DNMT1: variants seen among roughly 807,000 people sequenced by gnomAD.
The protein encoded by DNMT1 is DNA methyltransferase 1.
Under a neutral mutation model 205.3 loss-of-function variants are expected in DNMT1, and 24 were observed. That is an observed-to-expected ratio of 0.12 (90% CI 0.08 to 0.16). The LOEUF is 0.16. DNMT1 is among the 10% of genes least tolerant of loss of function. The pLI is 1.00. For missense variants in DNMT1, 1,293 were observed against 2,177.7 expected (o/e 0.59, Z 8.09); for synonymous variants, 817 against 839.8 (o/e 0.97, Z 0.47).
Position 10,194,853 on chromosome 19 carries a change from G to A in DNMT1, c.47C>T (p.Pro16Leu), listed in dbSNP as rs1476955893. ...GACATCGTCGGGCAGCGAGATGGCC[G>A]GGACGGCCAGTGTGGGCACCCGGGC... is the stretch of plus-strand genomic sequence containing the variant. ...APARVPTLAVPAISLPDDVRR... is the reference protein window; with the variant it reads ...APARVPTLAVLAISLPDDVRR... Residue 16 changes from proline to leucine, a missense_variant, in exon 1 of 41, where the codon CCG (proline) becomes CTG (leucine). By Grantham distance (98) the Pro-to-Leu change is moderately conservative. Around this residue, in one of 13 missense-constraint regions of DNMT1, gnomAD observed 394 missense variants for 451.6 expected, o/e 0.87. Transcript: ENST00000359526. 6.2e-7 allele frequency: 1 copy of A among 1,611,486 alleles called. No individual in the cohort carries two copies. Among genetic ancestry groups the A allele is most frequent in the African/African-American group, 1.3e-5 (1 of 74,852 alleles).
At chr19:10,168,296 C>T in intron 10 of DNMT1, 34 bp downstream of exon 10, 2 of 1,613,774 alleles carry the variant, frequency 1.2e-6, no homozygotes, top group Non-Finnish European at 8.5e-7. Flanking sequence ...TTCAGTTTCA[C>T]AACAAAGCAC....
intron 1 of DNMT1, 43 bp from the exon 2 acceptor site, chr19:10,182,120 G>T: frequency 1.3e-6 from 2 of 1,586,530 alleles, no homozygotes; most frequent in South Asian, 1.1e-5. Flanking sequence ...CACTTGTTAA[G>T]CAACTTCATT....
intron 1 of DNMT1, 127 bp from the exon 2 acceptor site, chr19:10,182,204 C>CA: frequency 2.1e-6 from 2 of 959,136 alleles, no homozygotes; most frequent in Admixed American, 2.0e-5. Context: ...TTAGAAAAAA[C>CA]TAAGCTGGCT....
chr19:10,158,286 C>G (rs895467744), intron 17 of DNMT1, among the ~76,000 whole-genome samples: 5 of 152,130 alleles, frequency 3.3e-5, no homozygotes, highest in Non-Finnish European at 1.5e-5. Flanking sequence ...GGCCAGGCCT[C>G]GGGGGGCTAG....
chr19:10,160,935 A>ATT, intron 13 of DNMT1, among the ~76,000 whole-genome samples: 1 of 152,216 alleles, frequency 6.6e-6, no homozygotes, highest in African/African-American at 2.4e-5. Flanking sequence ...ACTTCCTGAA[A>ATT]AGATTTAGAG....
In DNMT1 at chr19:10,151,616, C is replaced by T; in HGVS notation, c.2118-71G>A. On this transcript the variant is annotated intron_variant, in intron 23 of 40. Transcript: ENST00000359526. The surrounding 1 kb of genome is among the most constrained non-coding windows in gnomAD (Gnocchi z 5.0). ...CCAACCGGGGCTGTTTTCTTCATAA[C>T]AGGGACAGGTCCTGAGACAATGCCT... 1 of 1,611,156 alleles carries T rather than the reference C, an allele frequency of 6.2e-7. No homozygotes were observed.
rs1443332616 is a variant in DNMT1 at position 10,146,300 on chromosome 19, C to G, written c.2894+51G>C. Reference sequence around the variant, plus strand: ...AGGAGGGGGACACCACAAAGCCAGCCTGGCTCAGCCTGGAGCGCCCTGGCC... The same window carrying G: ...AGGAGGGGGACACCACAAAGCCAGCGTGGCTCAGCCTGGAGCGCCCTGGCC... On this transcript the variant is annotated intron_variant, in intron 28 of 40. Transcript: ENST00000359526. The surrounding 1 kb of genome is among the most constrained non-coding windows in gnomAD (Gnocchi z 4.4). The G allele has an allele frequency of 2.5e-6, 4 of 1,605,552 alleles. No homozygotes were observed. Among genetic ancestry groups the G allele is most frequent in the Non-Finnish European group, 3.4e-6 (4 of 1,176,172 alleles).
rs906567030 is a variant in DNMT1 at position 10,169,417 on chromosome 19, C to A, written c.769-1053G>T. 5.5e-5 allele frequency among the ~76,000 whole-genome samples: 8 copies of A among 145,038 alleles called. No homozygotes were observed. The South Asian group carries it at 1.7e-3, about 31-fold the overall frequency. On this transcript the variant is annotated intron_variant, in intron 9 of 40. Coordinates refer to ENST00000359526, the MANE Select transcript of DNMT1 (RefSeq NM_001130823.3). The stretch of plus-strand genomic sequence containing the variant: ...AAAAAAAAAAAAAAAATTAGCCGGG[C>A]GTGTTGGCGGGCGCCTGCAGTCCCA...
At chr19:10,186,287 T>C (rs1371936633) in intron 1 of DNMT1, among the ~76,000 whole-genome samples, 1 of 152,298 alleles carries the variant, frequency 6.6e-6, no homozygotes, top group East Asian at 1.9e-4. Flanking sequence ...GGATTTAACC[T>C]GCCTGGCCCC....
At position 10,137,818 on chromosome 19, in the gene DNMT1, C is replaced by T. The variant is rs745507446; in HGVS notation, c.4293+14G>A. On this transcript the variant is annotated intron_variant, in intron 36 of 40. Coordinates refer to ENST00000359526, the MANE Select transcript of DNMT1 (RefSeq NM_001130823.3). The surrounding 1 kb of genome is among the most constrained non-coding windows in gnomAD (Gnocchi z 6.4). The stretch of plus-strand genomic sequence containing the variant: ...GGGCCTCGAGGAGGAGCCGCTCTGT[C>T]AGGGTGCCATTACCTTACAGATGTG... 6 of 1,611,586 alleles carry T rather than the reference C, an allele frequency of 3.7e-6. No individual in the cohort carries two copies. In the Admixed American group the frequency reaches 6.7e-5, roughly 18 times the overall value.
intron 14 of DNMT1, 113 bp from the exon 15 acceptor site, chr19:10,160,176 T>C: frequency 3.8e-6 from 6 of 1,582,970 alleles, no homozygotes; most frequent in Non-Finnish European, 5.1e-6. Context: ...AGGCACCGGC[T>C]GTGGCAGTGA....
In DNMT1 at chr19:10,141,091, A is replaced by G. The variant is rs2089591492; in HGVS notation, c.3394+14T>C. The G allele has an allele frequency of 6.2e-7, 1 of 1,613,950 alleles. No individual in the cohort carries two copies. Among genetic ancestry groups the G allele is most frequent in the African/African-American group, 1.3e-5 (1 of 75,050 alleles). On this transcript the variant is annotated intron_variant, in intron 31 of 40. Coordinates refer to ENST00000359526, the MANE Select transcript of DNMT1 (RefSeq NM_001130823.3). Reference sequence around the variant, plus strand: ...AGAAGAATAACTTGAAAAGAAACTCATACAATGACGTACCTTTTCCCTTGC... The same window carrying G: ...AGAAGAATAACTTGAAAAGAAACTCGTACAATGACGTACCTTTTCCCTTGC...
At chr19:10,162,769 C>CAG in intron 12 of DNMT1, 21 bp from the exon 13 acceptor site, 4 of 1,613,022 alleles carry the variant, frequency 2.5e-6, no homozygotes, top group Non-Finnish European at 3.4e-6. Flanking sequence ...AACAGATACA[C>CAG]AGCAAGTAGC....
intron 9 of DNMT1, among the ~76,000 whole-genome samples, chr19:10,168,728 A>T (rs2038742900): frequency 2.0e-5 from 3 of 152,214 alleles, no homozygotes; most frequent in Admixed American, 2.0e-4. Context: ...CACAGAAAGT[A>T]ACTTTATTAT....
At chr19:10,184,848 C>A (rs756691619) in intron 1 of DNMT1, among the ~76,000 whole-genome samples, 1 of 152,188 alleles carries the variant, frequency 6.6e-6, no homozygotes, top group East Asian at 1.9e-4. Context: ...CCACCTAGCA[C>A]CCGCACAGAC....
chr19:10,190,702 T>C (rs2039282976), intron 1 of DNMT1, among the ~76,000 whole-genome samples: 1 of 149,814 alleles, frequency 6.7e-6, no homozygotes, highest in Non-Finnish European at 1.5e-5. Context: ...GAGGGGGAGG[T>C]TGCAGTGAGC....
chr19:10,157,999 A>G (rs1458149474), intron 17 of DNMT1, among the ~76,000 whole-genome samples: 1 of 152,216 alleles, frequency 6.6e-6, no homozygotes, highest in African/African-American at 2.4e-5. Flanking sequence ...GAGCCCCTAA[A>G]TAACTCAGGC....
rs2038346574 is a variant in DNMT1, at chr19:10,151,714, T to C, written c.2117+36A>G. ...AGTGCATCTGCCACCAGCTGGCAAG[T>C]CCTCTGCCACAGGAGGAAGACTCGG... On this transcript the variant is annotated intron_variant, in intron 23 of 40. Transcript: ENST00000359526. This position sits in a 1 kb window ranked among gnomAD's most constrained non-coding sequence, Gnocchi z 5.0. 1.2e-6 allele frequency: 2 copies of C among 1,612,156 alleles called. No homozygotes were observed. Among genetic ancestry groups the C allele is most frequent in the East Asian group, 2.2e-5 (1 of 44,870 alleles).
rs144847575 is a variant in DNMT1 at position 10,177,075 on chromosome 19, T to C, written c.569+217A>G. ...ATGATGGGTATTTCAGGGTTCATTATACAAAACTCATGATTTTGTGTACAT... is the reference window on the plus strand; with the variant it reads ...ATGATGGGTATTTCAGGGTTCATTACACAAAACTCATGATTTTGTGTACAT... On this transcript the variant is annotated intron_variant, in intron 6 of 40. Coordinates refer to ENST00000359526, the MANE Select transcript of DNMT1 (RefSeq NM_001130823.3). 9.9e-3 allele frequency among the ~76,000 whole-genome samples: 1,508 copies of C among 152,280 alleles called. 13 individuals are homozygous for C. The highest frequency in any genetic ancestry group is 0.02 in the South Asian group (97 of 4,826).
Sources: allele counts gnomAD v4.1 joint callset (sites outside exome capture counted in the v4.1 genomes callset), GRCh38; gene constraint gnomAD v4.1.1; regional missense constraint gnomAD v4.1.1; non-coding constraint Gnocchi (gnomAD v3.1); transcripts MANE v1.5; gene names NCBI Gene and HGNC (gene_info 2026-07-23, HGNC 2026-07-21).